The following ZBBX variants were observed in gnomAD, a reference collection of about 807,000 sequenced individuals.
ZBBX encodes zinc finger B-box domain-containing protein 1.
Under a neutral mutation model 108.5 loss-of-function variants are expected in ZBBX, and 101 were observed. That is an observed-to-expected ratio of 0.93 (90% confidence interval 0.79 to 1.10). The LOEUF is 1.10. Ranked by LOEUF, ZBBX falls within the 50% of genes least tolerant of loss-of-function variation. ZBBX has a pLI of 0.00. For synonymous variants in ZBBX, 356 were observed against 323.4 expected (o/e 1.10, Z -1.08); for missense variants, 1,009 against 941.4 (o/e 1.07, Z -0.94).
At chr3:167,256,005 T>C (rs1238893012) in intron 20 of ZBBX, among the ~76,000 whole-genome samples, 1 of 152,100 alleles carries the variant, frequency 6.6e-6, no homozygotes, top group Non-Finnish European at 1.5e-5. Flanking sequence ...TCTATCTCCA[T>C]GAGTTTAATT....
intron 17 of ZBBX, among the ~76,000 whole-genome samples, chr3:167,302,298 A>ATGTGG (rs1432166069): frequency 6.6e-6 from 1 of 152,140 alleles, no homozygotes; most frequent in East Asian, 1.9e-4. Context: ...CAATAATACC[A>ATGTGG]TGTGGTTTTG....
rs751094963 is a variant in ZBBX at position 167,328,104 on chromosome 3, T to C, written c.700A>G (p.Thr234Ala). The part of the protein sequence containing the change: ...QRSSSEVEIT[T>A]MKRAQRTKPR... Reference sequence around the variant, plus strand: ...TTTGTACGTTGTGCTCTTTTCATCGTTGTAATTTCTACCTAATTAAAAGGA... The same window carrying C: ...TTTGTACGTTGTGCTCTTTTCATCGCTGTAATTTCTACCTAATTAAAAGGA... Residue 234 changes from threonine (T) to alanine (A), a missense_variant, in exon 11 of 22, where the codon ACG becomes GCG. Coordinates refer to ENST00000675490, the MANE Select transcript of ZBBX (RefSeq NM_001199201.2). 3 of 1,609,924 alleles carry C rather than the reference T, an allele frequency of 1.9e-6. No individual in the cohort carries two copies. The highest frequency in any genetic ancestry group is 1.7e-5 in the Admixed American group (1 of 58,864).
intron 1 of ZBBX, among the ~76,000 whole-genome samples, chr3:167,404,585 A>C (rs1748524754): frequency 6.6e-6 from 1 of 152,168 alleles, no homozygotes; most frequent in Non-Finnish European, 1.5e-5. Context: ...ATAGCTGGGA[A>C]GGACAACAGA....
chr3:167,261,456 T>A (rs1182977316), intron 20 of ZBBX, among the ~76,000 whole-genome samples: 2 of 131,224 alleles, frequency 1.5e-5, no homozygotes, highest in East Asian at 2.2e-4. Flanking sequence ...CAGGTGGGGG[T>A]GGGGCTAGGC....
chr3:167,218,830 G>A, the ZBBX span, among the ~76,000 whole-genome samples: 3 of 152,002 alleles, frequency 2.0e-5, no homozygotes, highest in African/African-American at 7.2e-5. Context: ...AAAAGACATG[G>A]AATAGCTGAA....
At chr3:167,275,712 G>A (rs1247935341) in intron 20 of ZBBX, among the ~76,000 whole-genome samples, 6 of 152,190 alleles carry the variant, frequency 3.9e-5, no homozygotes, top group African/African-American at 7.2e-5. Flanking sequence ...AGGGGTGCCC[G>A]CCATTGCCCA....
At chr3:167,353,217 G>GA (rs1742967536) in intron 8 of ZBBX, among the ~76,000 whole-genome samples, 1 of 152,014 alleles carries the variant, frequency 6.6e-6, no homozygotes. Context: ...CTTATGCCTA[G>GA]AAAACCCTAA....
At chr3:167,331,687 A>T in intron 10 of ZBBX, 1 of 911,320 alleles carries the variant, frequency 1.1e-6, no homozygotes, top group South Asian at 5.1e-5. Context: ...ACCTTGCCCA[A>T]TGCTAAAAGA....
intron 20 of ZBBX, among the ~76,000 whole-genome samples, chr3:167,246,623 A>G (rs767784895): frequency 9.2e-5 from 14 of 152,262 alleles, no homozygotes; most frequent in Non-Finnish European, 2.1e-4. Context: ...TTAAACCACA[A>G]ATCAGATTGA....
At chr3:167,344,850 T>C (rs1244288507) in intron 9 of ZBBX, among the ~76,000 whole-genome samples, 1 of 151,812 alleles carries the variant, frequency 6.6e-6, no homozygotes, top group Non-Finnish European at 1.5e-5. Flanking sequence ...TAGATGTAAT[T>C]TGCCAAGTAG....
intron 20 of ZBBX, among the ~76,000 whole-genome samples, chr3:167,263,032 G>GTTTTTTTTTTTTTTTTTTTTTTTTTTTTT (rs1192290285): frequency 9.0e-6 from 1 of 111,034 alleles, no homozygotes. Flanking sequence ...TGCTTTTCTA[G>GTTTTTTTTTTTTTTTTTTTTTTTTTTTTT]TTCTTTTTTT....
chr3:167,242,920 C>CAA (rs5854233), intron 20 of ZBBX, among the ~76,000 whole-genome samples: 12 of 149,786 alleles, frequency 8.0e-5, no homozygotes, highest in South Asian at 2.1e-4. Flanking sequence ...CATAAAATTT[C>CAA]AAAAAAAAAA....
intron 20 of ZBBX, among the ~76,000 whole-genome samples, chr3:167,270,296 T>C (rs574092338): frequency 2.6e-5 from 4 of 152,298 alleles, no homozygotes; most frequent in South Asian, 2.1e-4. Context: ...AAACTAAGCA[T>C]GAGCTCAGAA....
intron 19 of ZBBX, chr3:167,282,706 A>C: frequency 2.2e-6 from 1 of 453,468 alleles, no homozygotes; most frequent in Non-Finnish European, 3.9e-6. Flanking sequence ...ACTTCTGTGT[A>C]TTTTTTTCCT....
intron 20 of ZBBX, among the ~76,000 whole-genome samples, chr3:167,269,936 A>C (rs931559128): frequency 2.6e-5 from 4 of 152,218 alleles, no homozygotes; most frequent in African/African-American, 9.6e-5. Context: ...ACACCCAGTC[A>C]GGGTAAAAAC....
chr3:167,397,142 T>TAAAAAAAAAAAAAAAAAAAAAA lies in ZBBX; in HGVS notation c.-446+10562_-446+10583dup, dbSNP rs61671930. Among the ~76,000 whole-genome samples the TAAAAAAAAAAAAAAAAAAAAAA allele has an allele frequency of 5.4e-4, 39 of 72,406 alleles. 5 individuals carry two copies. Among genetic ancestry groups the TAAAAAAAAAAAAAAAAAAAAAA allele is most frequent in the African/African-American group, 1.7e-3 (32 of 18,706 alleles). 47.5% of individuals were successfully genotyped at this position (72,406 alleles called of 152,430 possible). On this transcript the variant is annotated intron_variant, in intron 1 of 21. Transcript: ENST00000455345. ...GTCGTGAAGAAGAGGTTCTTGGTGG[T>TAAAAAAAAAAAAAAAAAAAAAA]AAAAAAAAAAAAAAAAAAAAAAAAT...
intron 2 of ZBBX, 45 bp downstream of exon 2, chr3:167,379,593 A>C (rs1011575950): frequency 6.6e-6 from 1 of 152,146 alleles, no homozygotes; most frequent in African/African-American, 2.4e-5. Flanking sequence ...TTAACTTTAG[A>C]TTTTAAGTCA....
chr3:167,250,887 C>T (rs1334161640), intron 20 of ZBBX, among the ~76,000 whole-genome samples: 1 of 152,136 alleles, frequency 6.6e-6, no homozygotes, highest in African/African-American at 2.4e-5. Flanking sequence ...CCACTCTGGC[C>T]CACCATGCTC....
chr3:167,363,604 T>TTCATCTA lies in ZBBX; in HGVS notation c.273+2281_273+2282insTAGATGA, dbSNP rs1744874557. Among the ~76,000 whole-genome samples, 4 of 152,020 alleles carry TTCATCTA rather than the reference T, an allele frequency of 2.6e-5. No individual in the cohort carries two copies. The Admixed American group carries it at 2.6e-4, about 10-fold the overall frequency. On this transcript the variant is annotated intron_variant, in intron 6 of 21. Coordinates refer to ENST00000675490, the MANE Select transcript of ZBBX (RefSeq NM_001199201.2). ...ACACACCCAGCAACTGGCACCTCTT[T>TTCATCTA]CATCTACATTTTGACTCTTTCCTCT...
Sources: gnomAD v4.1 joint callset for allele counts (sites outside exome capture counted in the v4.1 genomes callset) on GRCh38, gnomAD v4.1.1 for gene constraint, MANE v1.5 for transcripts, NCBI Gene and HGNC (gene_info 2026-07-23, HGNC 2026-07-21) for gene names.